Variants in ANO2 observed in about 807,000 individuals in gnomAD.
The protein encoded by ANO2 is anoctamin 2, also known as anoctamin-2.
In ANO2, 101 loss-of-function variants were observed where a neutral mutation model predicts 124.2. That is an observed-to-expected ratio of 0.81 (90% CI 0.69 to 0.96). The LOEUF (loss-of-function observed/expected upper bound fraction) is 0.96, where lower values mean the gene tolerates loss of function less well. Among genes scored for constraint, ANO2 ranks in the 40% least tolerant of loss-of-function variants. The probability of loss-of-function intolerance (pLI) is 0.00; values close to 1 mark genes in which losing one functional copy is unlikely to be tolerated. For missense variants in ANO2, 1,293 were observed against 1,274.5 expected (o/e 1.01, Z -0.22); for synonymous variants, 486 against 482.5 (o/e 1.01, Z -0.09).
intron 7 of ANO2, among the ~76,000 whole-genome samples, chr12:5,821,062 G>A (rs545515722): frequency 4.6e-5 from 7 of 152,264 alleles, no homozygotes; most frequent in Admixed American, 2.6e-4. Context: ...GACCTTGATC[G>A]TTTTTCGCTT....
At chr12:5,662,514 A>G (rs1267746600) in intron 14 of ANO2, among the ~76,000 whole-genome samples, 1 of 152,242 alleles carries the variant, frequency 6.6e-6, no homozygotes, top group Non-Finnish European at 1.5e-5. Context: ...GTAAAGAAAC[A>G]TTGTTCATTG....
chr12:5,602,634 C>G (rs1191339522), intron 19 of ANO2, among the ~76,000 whole-genome samples: 1 of 152,042 alleles, frequency 6.6e-6, no homozygotes, highest in Non-Finnish European at 1.5e-5. Context: ...AAGAAAATGT[C>G]CCAGAGGTGA....
chr12:5,628,005 T>C (rs1945502192), intron 16 of ANO2, among the ~76,000 whole-genome samples: 3 of 151,858 alleles, frequency 2.0e-5, no homozygotes, highest in Admixed American at 6.6e-5. Flanking sequence ...GAGGCTGAGG[T>C]GGGAGGATCC....
intron 14 of ANO2, among the ~76,000 whole-genome samples, chr12:5,652,693 A>G (rs1946969610): frequency 6.6e-6 from 1 of 152,076 alleles, no homozygotes; most frequent in Non-Finnish European, 1.5e-5. Context: ...TTTTCCCATG[A>G]TTAGACTGAA....
At chr12:5,629,582 G>A (rs1225477258) in intron 16 of ANO2, among the ~76,000 whole-genome samples, 8 of 152,064 alleles carry the variant, frequency 5.3e-5, no homozygotes, top group African/African-American at 1.2e-4. Context: ...CCAGTGACCT[G>A]CCCAGATTTT....
chr12:5,600,114 G>A (rs1943864431), intron 19 of ANO2, among the ~76,000 whole-genome samples: 1 of 152,208 alleles, frequency 6.6e-6, no homozygotes, highest in African/African-American at 2.4e-5. Context: ...GATGTCTGCT[G>A]AAATTCATTT....
chr12:5,730,993 T>C (rs186719607), intron 14 of ANO2, among the ~76,000 whole-genome samples: 2 of 152,368 alleles, frequency 1.3e-5, no homozygotes, highest in East Asian at 1.9e-4. Context: ...TGACCAATCA[T>C]GCATATATAC....
intron 20 of ANO2, among the ~76,000 whole-genome samples, chr12:5,595,844 C>A (rs912965004): frequency 1.3e-5 from 2 of 152,104 alleles, no homozygotes; most frequent in African/African-American, 4.8e-5. Context: ...AATGGAGTGG[C>A]GTAGGGGGCT....
chr12:5,701,087 ATTTT>A (rs56113538), intron 14 of ANO2, among the ~76,000 whole-genome samples: 1 of 93,608 alleles, frequency 1.1e-5, no homozygotes, highest in Non-Finnish European at 1.9e-5. Context: ...GTCATTTTCA[ATTTT>A]TTTTTTTTTT....
chr12:5,931,406 T>C (rs1182645248), intron 1 of ANO2, among the ~76,000 whole-genome samples: 1 of 152,124 alleles, frequency 6.6e-6, no homozygotes, highest in African/African-American at 2.4e-5. Flanking sequence ...ACGTATTGTA[T>C]AAAACATTGG....
intron 14 of ANO2, among the ~76,000 whole-genome samples, chr12:5,714,821 C>T (rs1463208380): frequency 1.3e-5 from 2 of 152,190 alleles, no homozygotes; most frequent in Non-Finnish European, 2.9e-5. Context: ...AAACTATATA[C>T]AACCGGGAAA....
At chr12:5,637,896 T>C (rs2361577) in intron 15 of ANO2, among the ~76,000 whole-genome samples, 100,137 of 152,056 alleles carry the variant, frequency 0.66, 33,297 homozygotes, top group East Asian at 0.81. Context: ...ACTTGCAGAG[T>C]ACCAACCCAG....
chr12:5,938,597 G>T (rs746395787), intron 1 of ANO2, among the ~76,000 whole-genome samples: 3 of 152,092 alleles, frequency 2.0e-5, no homozygotes, highest in Non-Finnish European at 4.4e-5. Flanking sequence ...GAAGCAAATG[G>T]ATTACCTGAG....
chr12:5,713,464 C>T (rs1453191183), intron 14 of ANO2, among the ~76,000 whole-genome samples: 1 of 152,098 alleles, frequency 6.6e-6, no homozygotes, highest in African/African-American at 2.4e-5. Flanking sequence ...AAGCAGAGGG[C>T]TAAGTGATGG....
intron 1 of ANO2, among the ~76,000 whole-genome samples, chr12:5,923,891 G>A (rs1330227507): frequency 6.6e-6 from 1 of 152,182 alleles, no homozygotes; most frequent in African/African-American, 2.4e-5. Flanking sequence ...CCTCAGCTCT[G>A]CCACTTGCCA....
At chr12:5,933,107 G>C (rs932567455) in intron 1 of ANO2, among the ~76,000 whole-genome samples, 2 of 152,164 alleles carry the variant, frequency 1.3e-5, no homozygotes, top group African/African-American at 4.8e-5. Flanking sequence ...GATTTGAGGG[G>C]CACAGAAAGG....
intron 13 of ANO2, chr12:5,732,988 C>T: frequency 4.1e-6 from 5 of 1,214,614 alleles, no homozygotes; most frequent in African/African-American, 1.5e-5. Context: ...AGAGGGATAT[C>T]CCTGGTCATC....
At chr12:5,807,173 G>T in intron 8 of ANO2, 140 bp downstream of exon 8, 1 of 663,030 alleles carries the variant, frequency 1.5e-6, no homozygotes, top group Non-Finnish European at 2.4e-6. Flanking sequence ...GAGTGGTCCA[G>T]GGTCAGTCAA....
intron 3 of ANO2, among the ~76,000 whole-genome samples, chr12:5,918,864 T>C (rs1207588638): frequency 6.6e-6 from 1 of 152,190 alleles, no homozygotes; most frequent in Admixed American, 6.5e-5. Context: ...TGTGCTGAAA[T>C]TTTCATTGCT....
Sources: allele counts gnomAD v4.1 joint callset (sites outside exome capture counted in the v4.1 genomes callset), GRCh38; gene constraint gnomAD v4.1.1; transcripts MANE v1.5; gene names NCBI Gene and HGNC (gene_info 2026-07-23, HGNC 2026-07-21).